KAZN: variants seen among roughly 807,000 people sequenced by gnomAD.
The protein encoded by KAZN is kazrin.
A neutral mutation model predicts 87.4 loss-of-function variants in KAZN; 40 were observed. That is an observed-to-expected ratio of 0.46 (90% CI 0.36 to 0.60). KAZN has a LOEUF of 0.60. KAZN is among the 20% of genes least tolerant of loss of function. The pLI, the probability that KAZN is intolerant of heterozygous loss-of-function variation, is 0.00. For synonymous variants in KAZN, 466 were observed against 458.3 expected, an observed-to-expected ratio of 1.02 and a Z score of -0.22; for missense variants, 898 against 1,073.9, an observed-to-expected ratio of 0.84 and a Z score of 2.29.
At chr1:14,971,914 C>T (rs1455320372) in intron 2 of KAZN, among the ~76,000 whole-genome samples, 2 of 152,142 alleles carry the variant, frequency 1.3e-5, no homozygotes, top group Admixed American at 6.5e-5. Flanking sequence ...CTCCCAGTCT[C>T]GTCCTCCTTC....
chr1:14,303,283 G>A (rs2100786452), intron 2 of KAZN, among the ~76,000 whole-genome samples: 1 of 152,206 alleles, frequency 6.6e-6, no homozygotes, highest in South Asian at 2.1e-4. Context: ...TCACTCTGTT[G>A]CCCAGGATGG....
intron 1 of KAZN, among the ~76,000 whole-genome samples, chr1:14,163,702 C>T (rs1645760568): frequency 6.6e-6 from 1 of 152,210 alleles, no homozygotes; most frequent in South Asian, 2.1e-4. Flanking sequence ...ACATCACCAT[C>T]ACCTGATGGT....
At chr1:14,187,041 C>G (rs1385359950) in intron 2 of KAZN, among the ~76,000 whole-genome samples, 1 of 152,024 alleles carries the variant, frequency 6.6e-6, no homozygotes, top group East Asian at 1.9e-4. Flanking sequence ...AGCATTTTCT[C>G]ATCTTCTCAG....
chr1:14,677,906 A>G (rs1640329010), intron 1 of KAZN, among the ~76,000 whole-genome samples: 1 of 152,166 alleles, frequency 6.6e-6, no homozygotes, highest in African/African-American at 2.4e-5. Context: ...TGCAGCTGGT[A>G]TGTGTGCTTT....
At chr1:14,729,450 G>A (rs550514080) in intron 1 of KAZN, among the ~76,000 whole-genome samples, 5 of 152,252 alleles carry the variant, frequency 3.3e-5, no homozygotes, top group South Asian at 2.1e-4. Flanking sequence ...TTTTATAGGC[G>A]ACCCTAATGG....
At chr1:13,898,617 C>T (rs1030476623) in intron 1 of KAZN, among the ~76,000 whole-genome samples, 1 of 152,184 alleles carries the variant, frequency 6.6e-6, no homozygotes, top group East Asian at 1.9e-4. Context: ...ACTTCAGCAC[C>T]TGGACTGCTG....
intron 4 of KAZN, among the ~76,000 whole-genome samples, chr1:15,050,215 G>GAATAGAATAGAATAGAATAGAATAA (rs1426642177): frequency 6.7e-6 from 1 of 150,274 alleles, no homozygotes; most frequent in Non-Finnish European, 1.5e-5. Context: ...GAATAGAATA[G>GAATAGAATAGAATAGAATAGAATAA]AATAGAACCT....
chr1:14,268,571 T>A (rs995811229), intron 2 of KAZN, among the ~76,000 whole-genome samples: 2 of 152,174 alleles, frequency 1.3e-5, no homozygotes, highest in Non-Finnish European at 2.9e-5. Flanking sequence ...CCTTCCATTC[T>A]GCTCTCACCT....
chr1:14,492,883 T>C (rs1669750812), intron 2 of KAZN, among the ~76,000 whole-genome samples: 1 of 151,200 alleles, frequency 6.6e-6, no homozygotes, highest in Admixed American at 6.6e-5. Context: ...CACACACACA[T>C]GCACACCACT....
At chr1:14,175,923 A>ATGCCCTTGCCC (rs1272520088) in intron 1 of KAZN, among the ~76,000 whole-genome samples, 85 of 152,156 alleles carry the variant, frequency 5.6e-4, no homozygotes, top group African/African-American at 1.7e-3. Flanking sequence ...AGGTTATTTT[A>ATGCCCTTGCCC]ATGCCCTTGC....
intron 1 of KAZN, among the ~76,000 whole-genome samples, chr1:14,918,707 AATATATATATATATATAT>A (rs201058383): frequency 0.055 from 1,332 of 24,404 alleles, 55 homozygotes; most frequent in African/African-American, 0.092. Context: ...AAAAAAAAAA[AATATATATATATATATAT>A]ATATATATAT....
chr1:14,028,831 C>T (rs1459541439), intron 1 of KAZN, among the ~76,000 whole-genome samples: 3 of 151,962 alleles, frequency 2.0e-5, no homozygotes, highest in South Asian at 4.2e-4. Context: ...GCATAGTATT[C>T]CATGGTGTAT....
chr1:14,502,560 C>T (rs1022576903), intron 2 of KAZN, among the ~76,000 whole-genome samples: 17 of 152,104 alleles, frequency 1.1e-4, no homozygotes, highest in African/African-American at 4.1e-4. Context: ...CCAGTAAACC[C>T]TACTCCTGGG....
At chr1:14,498,615 C>T (rs1670077930) in intron 2 of KAZN, among the ~76,000 whole-genome samples, 1 of 152,046 alleles carries the variant, frequency 6.6e-6, no homozygotes, top group Non-Finnish European at 1.5e-5. Flanking sequence ...TCACTTGAGC[C>T]CTGGAGGCGG....
intron 1 of KAZN, among the ~76,000 whole-genome samples, chr1:14,627,028 C>T (rs1460812294): frequency 1.3e-5 from 2 of 152,028 alleles, no homozygotes; most frequent in African/African-American, 4.8e-5. Context: ...TGAGCACCTA[C>T]TATGTTCCAG....
chr1:13,987,504 A>G (rs1035504340), intron 1 of KAZN, among the ~76,000 whole-genome samples: 2 of 152,148 alleles, frequency 1.3e-5, no homozygotes, highest in Non-Finnish European at 2.9e-5. Context: ...AGTCAATTTC[A>G]TGCTGCTATA....
At chr1:14,069,515 G>A (rs543643911) in intron 1 of KAZN, among the ~76,000 whole-genome samples, 2 of 152,130 alleles carry the variant, frequency 1.3e-5, no homozygotes, top group African/African-American at 2.4e-5. Context: ...CATCTTTTCT[G>A]TACAAATAAA....
At chr1:14,316,704 C>T (rs1197297616) in intron 2 of KAZN, among the ~76,000 whole-genome samples, 1 of 151,558 alleles carries the variant, frequency 6.6e-6, no homozygotes, top group Non-Finnish European at 1.5e-5. Flanking sequence ...GTCATAAATC[C>T]CTAAATTTTG....
intron 1 of KAZN, among the ~76,000 whole-genome samples, chr1:14,883,355 A>AAAG (rs1449958306): frequency 0.044 from 899 of 20,548 alleles, 146 homozygotes; most frequent in East Asian, 0.17. Context: ...AGAAAGAAAG[A>AAAG]AAAGAAAGAA....
Sources: gnomAD v4.1 joint callset for allele counts (sites outside exome capture counted in the v4.1 genomes callset) on GRCh38, gnomAD v4.1.1 for gene constraint, MANE v1.5 for transcripts, NCBI Gene and HGNC (gene_info 2026-07-23, HGNC 2026-07-21) for gene names.